Variants in CCDC171 observed in about 807,000 individuals in gnomAD.
CCDC171 encodes the protein coiled-coil domain containing 171, also known as coiled-coil domain-containing protein 171.
A neutral mutation model predicts 168.2 loss-of-function variants in CCDC171; 177 were observed. That is an observed-to-expected ratio of 1.05 (90% CI 0.93 to 1.19). The LOEUF (loss-of-function observed/expected upper bound fraction) is 1.19, where lower values mean the gene tolerates loss of function less well. Ranked by LOEUF, CCDC171 falls within the 50% of genes most tolerant of loss-of-function variation. CCDC171 has a pLI of 0.00. For synonymous variants in CCDC171, 687 were observed against 540.8 expected (o/e 1.27, Z -3.75); for missense variants, 1,991 against 1,539.0 (o/e 1.29, Z -4.91).
At chr9:15,864,211 C>G (rs911382315) in intron 23 of CCDC171, among the ~76,000 whole-genome samples, 1 of 151,882 alleles carries the variant, frequency 6.6e-6, no homozygotes, top group Non-Finnish European at 1.5e-5. Flanking sequence ...GTTCCTTAGT[C>G]CATCATTTTT....
At chr9:15,625,964 T>C (rs1346470714) in intron 7 of CCDC171, among the ~76,000 whole-genome samples, 1 of 152,208 alleles carries the variant, frequency 6.6e-6, no homozygotes, top group Non-Finnish European at 1.5e-5. Flanking sequence ...GGAATGTTCT[T>C]CCATTTGTTT....
At chr9:15,833,189 G>A (rs1384712252) in intron 21 of CCDC171, among the ~76,000 whole-genome samples, 1 of 151,808 alleles carries the variant, frequency 6.6e-6, no homozygotes, top group African/African-American at 2.4e-5. Flanking sequence ...ACAGCGTTTT[G>A]CCATGTTGGC....
intron 4 of CCDC171, among the ~76,000 whole-genome samples, chr9:15,582,562 A>G (rs992737793): frequency 4.6e-5 from 7 of 152,232 alleles, no homozygotes; most frequent in South Asian, 2.1e-4. Flanking sequence ...TGGATAAAGA[A>G]AATATGGCAC....
chr9:15,968,998 T>TA (rs1831085358), intron 25 of CCDC171, among the ~76,000 whole-genome samples: 1 of 152,194 alleles, frequency 6.6e-6, no homozygotes, highest in African/African-American at 2.4e-5. Context: ...CTAGAGACTA[T>TA]ACTTTTGGGG....
At chr9:16,066,396 A>G (rs1833990453), downstream of CCDC171, among the ~76,000 whole-genome samples, 2 of 151,906 alleles carry the variant, frequency 1.3e-5, no homozygotes, top group South Asian at 4.1e-4. Context: ...AAAGGGAAAA[A>G]TCCCCTGTCA....
intron 24 of CCDC171, among the ~76,000 whole-genome samples, chr9:15,912,080 G>T (rs1823743317): frequency 6.6e-6 from 1 of 152,176 alleles, no homozygotes; most frequent in Non-Finnish European, 1.5e-5. Flanking sequence ...TTCTAACTCT[G>T]TGAAGGAAGC....
At chr9:15,704,768 C>G (rs1054139956) in intron 11 of CCDC171, among the ~76,000 whole-genome samples, 4 of 152,098 alleles carry the variant, frequency 2.6e-5, no homozygotes, top group African/African-American at 7.2e-5. Context: ...TTCAGTAAGT[C>G]CAAGACGTTC....
intron 1 of CCDC171, among the ~76,000 whole-genome samples, chr9:16,044,381 T>A (rs1406466184): frequency 6.6e-6 from 1 of 152,190 alleles, no homozygotes; most frequent in East Asian, 1.9e-4. Flanking sequence ...GTTGGGTTGT[T>A]TGATATACTA....
At chr9:15,950,558 C>G (rs1332320657) in intron 25 of CCDC171, among the ~76,000 whole-genome samples, 5 of 151,998 alleles carry the variant, frequency 3.3e-5, no homozygotes, top group Admixed American at 6.6e-5. Flanking sequence ...AAATCCTTAA[C>G]AGACAAGCAA....
chr9:16,054,516 T>C (rs1409958480), intron 1 of CCDC171, among the ~76,000 whole-genome samples: 2 of 152,080 alleles, frequency 1.3e-5, no homozygotes, highest in African/African-American at 4.8e-5. Context: ...TCTCTAAAGA[T>C]CCTCTCCCCT....
chr9:15,672,460 T>C (rs1490252232), intron 9 of CCDC171, among the ~76,000 whole-genome samples: 4 of 152,222 alleles, frequency 2.6e-5, no homozygotes, highest in Non-Finnish European at 5.9e-5. Flanking sequence ...GCATAGGTTT[T>C]CTTCTAGGGT....
intron 21 of CCDC171, among the ~76,000 whole-genome samples, chr9:15,810,320 G>A (rs542928429): frequency 6.6e-6 from 1 of 152,370 alleles, no homozygotes; most frequent in East Asian, 1.9e-4. Flanking sequence ...CGACTCAGGA[G>A]CCCAGCTGGC....
At chr9:15,910,131 CCT>C (rs1823399032) in intron 24 of CCDC171, among the ~76,000 whole-genome samples, 1 of 151,734 alleles carries the variant, frequency 6.6e-6, no homozygotes, top group African/African-American at 2.4e-5. Flanking sequence ...ACATGAGTTT[CCT>C]TTTTTTAATG....
intron 15 of CCDC171, 26 bp downstream of exon 15, chr9:15,728,062 C>A: frequency 6.3e-7 from 1 of 1,575,384 alleles, no homozygotes; most frequent in Non-Finnish European, 8.7e-7. Context: ...CACCAGATAC[C>A]TCTATTAAAT....
chr9:16,050,658 T>C lies in CCDC171; in HGVS notation n.89+7772T>C, dbSNP rs144681083. ...AATTTGACACCACAAAAGTGCATTA[T>C]CACAACATTGTCTTTGTATATGAGC... On this transcript the variant is annotated intron_variant and non_coding_transcript_variant, in intron 1 of 1. Coordinates refer to the CCDC171 transcript ENST00000478913. 9.2e-5 allele frequency among the ~76,000 whole-genome samples: 14 copies of C among 152,360 alleles called. No individual in the cohort carries two copies. The East Asian group carries it at 1.7e-3, about 19-fold the overall frequency.
chr9:15,720,358 A>G (rs910747304), intron 11 of CCDC171, among the ~76,000 whole-genome samples: 4 of 152,234 alleles, frequency 2.6e-5, no homozygotes, highest in East Asian at 3.9e-4. Flanking sequence ...TTTATCTACT[A>G]TCTTTCTCTT....
intron 24 of CCDC171, among the ~76,000 whole-genome samples, chr9:15,902,705 C>T (rs1021750681): frequency 6.6e-6 from 1 of 152,206 alleles, no homozygotes; most frequent in African/African-American, 2.4e-5. Flanking sequence ...GGGTGCAGCG[C>T]ACCGAGCATG....
intron 21 of CCDC171, among the ~76,000 whole-genome samples, chr9:15,830,788 A>G (rs1271214814): frequency 6.6e-6 from 1 of 152,124 alleles, no homozygotes; most frequent in African/African-American, 2.4e-5. Context: ...ACTGGTTAAG[A>G]GTGGTTAGAA....
intron 11 of CCDC171, among the ~76,000 whole-genome samples, chr9:15,712,945 C>G (rs77338827): frequency 6.6e-6 from 1 of 152,104 alleles, no homozygotes; most frequent in Non-Finnish European, 1.5e-5. Flanking sequence ...TCATTTTGCC[C>G]TCCTGATTAT....
Sources: allele counts gnomAD v4.1 joint callset (sites outside exome capture counted in the v4.1 genomes callset), GRCh38; gene constraint gnomAD v4.1.1; transcripts MANE v1.5; gene names NCBI Gene and HGNC (gene_info 2026-07-23, HGNC 2026-07-21).